The following KLF12 variants were observed in gnomAD, a reference collection of about 807,000 sequenced individuals.
The protein encoded by KLF12 is Krueppel-like factor 12.
In KLF12, 9 loss-of-function variants were observed where a neutral mutation model predicts 37.8. The observed-to-expected ratio is 0.24, with a 90% CI of 0.14 to 0.42. The LOEUF is 0.42. Ranked by LOEUF, KLF12 falls within the 10% of genes least tolerant of loss-of-function variation. The pLI, the probability that KLF12 is intolerant of heterozygous loss-of-function variation, is 1.00. For synonymous variants in KLF12, 208 were observed against 202.1 expected, an observed-to-expected ratio of 1.03 and a Z score of -0.25; for missense variants, 411 against 516.0, an observed-to-expected ratio of 0.80 and a Z score of 1.97.
chr13:74,015,466 A>G (rs187173786), intron 1 of KLF12, among the ~76,000 whole-genome samples: 180 of 152,294 alleles, frequency 1.2e-3, no homozygotes, highest in Non-Finnish European at 2.0e-3. Flanking sequence ...TCAGTAAATG[A>G]CGATTGTTAT....
At chr13:74,219,580 C>A in the KLF12 span, among the ~76,000 whole-genome samples, 1 of 152,102 alleles carries the variant, frequency 6.6e-6, no homozygotes, top group Non-Finnish European at 1.5e-5. Flanking sequence ...TGAGTATATT[C>A]TATTTAAAAC....
Position 73,852,732 on chromosome 13 carries a change from G to A in KLF12, c.124-6359C>T, listed in dbSNP as rs191797009. 5.1e-4 allele frequency among the ~76,000 whole-genome samples: 78 copies of A among 152,044 alleles called. 1 individual carries two copies. In the East Asian group the frequency reaches 0.013, roughly 26 times the overall value. ...GCAGAGGTTGTGGTGAGCCGAGATC[G>A]TGCCACTGCACTCCAGCCTGGGTGA... is the stretch of plus-strand genomic sequence containing the variant. On this transcript the variant is annotated intron_variant, in intron 3 of 7. Transcript: ENST00000377669.
At chr13:74,208,409 A>C in the KLF12 span, among the ~76,000 whole-genome samples, 3 of 152,208 alleles carry the variant, frequency 2.0e-5, no homozygotes, top group Non-Finnish European at 4.4e-5. Flanking sequence ...AATTAAGGAA[A>C]GAAAAATATA....
At chr13:73,894,670 T>C (rs993762211) in intron 3 of KLF12, among the ~76,000 whole-genome samples, 3 of 152,178 alleles carry the variant, frequency 2.0e-5, no homozygotes, top group Non-Finnish European at 4.4e-5. Flanking sequence ...ACTTTTTGTA[T>C]CGCATATACA....
chr13:73,814,401 A>T (rs1273675528), intron 4 of KLF12, among the ~76,000 whole-genome samples: 2 of 152,206 alleles, frequency 1.3e-5, no homozygotes, highest in East Asian at 3.8e-4. Context: ...CTGAGAATGT[A>T]CCATTTTTAC....
At chr13:73,819,492 A>C (rs1883408407) in intron 4 of KLF12, among the ~76,000 whole-genome samples, 1 of 152,198 alleles carries the variant, frequency 6.6e-6, no homozygotes, top group Non-Finnish European at 1.5e-5. Context: ...TAATATATAA[A>C]ACTACTACTT....
At chr13:73,912,341 A>G (rs1237983885) in intron 3 of KLF12, among the ~76,000 whole-genome samples, 1 of 152,278 alleles carries the variant, frequency 6.6e-6, no homozygotes, top group South Asian at 2.1e-4. Context: ...CCAAAATGAT[A>G]TGTTGAAGTC....
At chr13:74,283,123 A>G in the KLF12 span, among the ~76,000 whole-genome samples, 2 of 152,214 alleles carry the variant, frequency 1.3e-5, no homozygotes, top group Non-Finnish European at 2.9e-5. Context: ...CAACCTACCA[A>G]ATTGGAGAAA....
the KLF12 span, among the ~76,000 whole-genome samples, chr13:74,279,061 G>A: frequency 2.6e-5 from 4 of 152,232 alleles, no homozygotes; most frequent in Non-Finnish European, 4.4e-5. Context: ...GAGACAGCCC[G>A]TATCCTTTGA....
At chr13:73,819,199 C>T (rs1883395806) in intron 4 of KLF12, among the ~76,000 whole-genome samples, 1 of 152,144 alleles carries the variant, frequency 6.6e-6, no homozygotes, top group South Asian at 2.1e-4. Flanking sequence ...TGACCTTGGG[C>T]AATGATTTTG....
intron 5 of KLF12, among the ~76,000 whole-genome samples, chr13:73,771,114 A>T (rs1880239244): frequency 6.6e-6 from 1 of 152,108 alleles, no homozygotes; most frequent in African/African-American, 2.4e-5. Context: ...CAACTGTAAG[A>T]TGCCCTCCCT....
In KLF12 at chr13:73,875,826, T is replaced by C. The variant is rs75051414; in HGVS notation, c.124-29453A>G. Among the ~76,000 whole-genome samples, 919 of 152,326 alleles carry C rather than the reference T, an allele frequency of 6.0e-3. 3 individuals are homozygous for C. The highest frequency in any genetic ancestry group is 9.8e-3 in the Non-Finnish European group (668 of 68,012). Reference sequence around the variant, plus strand: ...TACTGTCCTGATAAACTAGTAAAACTATCTTCACCCAATTGTTTTCTGTGC... The same window carrying C: ...TACTGTCCTGATAAACTAGTAAAACCATCTTCACCCAATTGTTTTCTGTGC... On this transcript the variant is annotated intron_variant, in intron 3 of 7. Transcript: ENST00000377669.
At chr13:73,912,197 TA>T (rs1325307666) in intron 3 of KLF12, among the ~76,000 whole-genome samples, 1 of 152,164 alleles carries the variant, frequency 6.6e-6, no homozygotes, top group South Asian at 2.1e-4. Flanking sequence ...AATAGGCCAT[TA>T]AAAAAATCAC....
intron 2 of KLF12, among the ~76,000 whole-genome samples, chr13:73,982,208 A>G (rs1480893893): frequency 6.6e-6 from 1 of 152,238 alleles, no homozygotes; most frequent in Non-Finnish European, 1.5e-5. Context: ...ATCACACAAC[A>G]GAAGCAGTTA....
At chr13:74,015,287 T>C (rs1235590220) in intron 1 of KLF12, among the ~76,000 whole-genome samples, 1 of 152,152 alleles carries the variant, frequency 6.6e-6, no homozygotes, top group Non-Finnish European at 1.5e-5. Context: ...CTCCACTAGG[T>C]TATAAATTTG....
At chr13:73,929,321 CTTT>C (rs1022259941) in intron 3 of KLF12, among the ~76,000 whole-genome samples, 1 of 152,150 alleles carries the variant, frequency 6.6e-6, no homozygotes, top group African/African-American at 2.4e-5. Flanking sequence ...ATATTAACTT[CTTT>C]ACTTTCCCAG....
chr13:74,181,872 AATTAT>A, the KLF12 span, among the ~76,000 whole-genome samples: 2 of 152,254 alleles, frequency 1.3e-5, no homozygotes, highest in South Asian at 2.1e-4. Flanking sequence ...GATATTAAGG[AATTAT>A]TCTGTTAGGT....
the KLF12 span, among the ~76,000 whole-genome samples, chr13:74,235,977 G>A: frequency 6.8e-6 from 1 of 147,110 alleles, no homozygotes; most frequent in Admixed American, 6.8e-5. Flanking sequence ...TAAGTTTTAG[G>A]GTACATGTGC....
chr13:73,792,109 G>A (rs555344819), intron 5 of KLF12, among the ~76,000 whole-genome samples: 1 of 152,266 alleles, frequency 6.6e-6, no homozygotes, highest in East Asian at 1.9e-4. Context: ...GGCACAGACA[G>A]TAGGTTGACA....
Sources: allele counts gnomAD v4.1 joint callset (sites outside exome capture counted in the v4.1 genomes callset), GRCh38; gene constraint gnomAD v4.1.1; transcripts MANE v1.5; gene names NCBI Gene and HGNC (gene_info 2026-07-23, HGNC 2026-07-21).